CIMIP3: variants seen among roughly 807,000 people sequenced by gnomAD.
The protein encoded by CIMIP3 is GUCA1A neighbor.
At chr6:42,163,353 G>A in the CIMIP3 span, 7 of 426,974 alleles carry the variant, frequency 1.6e-5, no homozygotes, top group African/African-American at 1.2e-4. Context: ...CTATATTCGG[G>A]CTAAGACAGC....
chr6:42,162,391 G>C, the CIMIP3 span, among the ~76,000 whole-genome samples: 1 of 146,928 alleles, frequency 6.8e-6, no homozygotes, highest in African/African-American at 2.5e-5. Flanking sequence ...CTCCAGCCTG[G>C]GCAACAAGAG....
chr6:42,162,631 G>T, the CIMIP3 span, among the ~76,000 whole-genome samples: 1 of 151,710 alleles, frequency 6.6e-6, no homozygotes, highest in Non-Finnish European at 1.5e-5. Context: ...TGCAGGGAAG[G>T]GGGGTGGGGA....
At chr6:42,157,609 T>C in the CIMIP3 span, among the ~76,000 whole-genome samples, 1 of 151,850 alleles carries the variant, frequency 6.6e-6, no homozygotes, top group African/African-American at 2.4e-5. Flanking sequence ...AGGTTGATCT[T>C]GAACTCTTGG....
the CIMIP3 span, among the ~76,000 whole-genome samples, chr6:42,161,632 C>A: frequency 6.6e-6 from 1 of 151,922 alleles, no homozygotes; most frequent in Non-Finnish European, 1.5e-5. Flanking sequence ...TTGAGTAGAC[C>A]CCAATAAGTA....
At chr6:42,158,063 T>C in the CIMIP3 span, among the ~76,000 whole-genome samples, 1 of 152,062 alleles carries the variant, frequency 6.6e-6, no homozygotes, top group Non-Finnish European at 1.5e-5. Flanking sequence ...CCAAATGTCC[T>C]CTGGAGGAAG....
the CIMIP3 span, among the ~76,000 whole-genome samples, chr6:42,161,154 C>T: frequency 4.2e-4 from 64 of 152,168 alleles, no homozygotes; most frequent in African/African-American, 1.5e-3. Flanking sequence ...CATCCTTGCA[C>T]TTCAGCCTGG....
the CIMIP3 span, among the ~76,000 whole-genome samples, chr6:42,161,410 C>T: frequency 0.024 from 3,642 of 152,118 alleles, 128 homozygotes; most frequent in African/African-American, 0.079. Context: ...CTGACACACA[C>T]GCAGGATGGA....
At chr6:42,157,530 G>A in the CIMIP3 span, among the ~76,000 whole-genome samples, 4 of 151,842 alleles carry the variant, frequency 2.6e-5, no homozygotes, top group Admixed American at 6.6e-5. Context: ...GATTACAGGC[G>A]TGAGCCATGG....
the CIMIP3 span, chr6:42,163,267 GC>G: frequency 3.6e-6 from 2 of 549,638 alleles, no homozygotes; most frequent in East Asian, 6.2e-5. Context: ...CCAAACGGAA[GC>G]CCCCGACCCT....
At chr6:42,163,121 T>C in the CIMIP3 span, 2 of 705,536 alleles carry the variant, frequency 2.8e-6, no homozygotes, top group South Asian at 1.5e-5. Flanking sequence ...CTCCCAGTAC[T>C]CCAACTCCCT....
chr6:42,155,544 G>A, the CIMIP3 span: 1 of 717,432 alleles, frequency 1.4e-6, no homozygotes, highest in East Asian at 2.7e-5. Flanking sequence ...AGCCTGATGG[G>A]CAGGAAAGAG....
chr6:42,163,338 G>A, the CIMIP3 span: 8 of 447,836 alleles, frequency 1.8e-5, no homozygotes, highest in African/African-American at 1.0e-4. Flanking sequence ...TGCAGGAGGA[G>A]TGACCTATAT....
At chr6:42,161,914 G>T in the CIMIP3 span, among the ~76,000 whole-genome samples, 5 of 151,940 alleles carry the variant, frequency 3.3e-5, no homozygotes, top group Non-Finnish European at 7.4e-5. Flanking sequence ...AACTCTAATG[G>T]GAAAGACAGA....
the CIMIP3 span, among the ~76,000 whole-genome samples, chr6:42,158,080 C>T: frequency 2.0e-5 from 3 of 151,492 alleles, no homozygotes; most frequent in Admixed American, 1.3e-4. Context: ...GAAGAATCAC[C>T]CCTGGCTGAG....
chr6:42,160,264 C>T, the CIMIP3 span, among the ~76,000 whole-genome samples: 1 of 152,302 alleles, frequency 6.6e-6, no homozygotes, highest in South Asian at 2.1e-4. Context: ...GTTGGGATTA[C>T]AGGTGTGATC....
the CIMIP3 span, chr6:42,155,547 G>A: frequency 1.4e-6 from 1 of 717,476 alleles, no homozygotes; most frequent in Admixed American, 2.0e-5. Flanking sequence ...CTGATGGGCA[G>A]GAAAGAGCAT....
At chr6:42,157,364 TCAGCCTCCCAAGTAGCTGGGATTA>T in the CIMIP3 span, among the ~76,000 whole-genome samples, 1 of 152,132 alleles carries the variant, frequency 6.6e-6, no homozygotes, top group Non-Finnish European at 1.5e-5. Context: ...TTCTCCTGCC[TCAGCCTCCCAAGTAGCTGGGATTA>T]CAGGCGTGCA....
chr6:42,161,650 A>G, the CIMIP3 span, among the ~76,000 whole-genome samples: 2 of 152,142 alleles, frequency 1.3e-5, no homozygotes, highest in African/African-American at 4.8e-5. Context: ...GTAATCAACC[A>G]AGAGTGGTGG....
chr6:42,162,568 G>A, the CIMIP3 span, among the ~76,000 whole-genome samples: 4,145 of 151,390 alleles, frequency 0.027, 194 homozygotes, highest in African/African-American at 0.094. Flanking sequence ...GCAGGGAAGA[G>A]GGAGGGGAGG....
Sources: gnomAD v4.1 joint callset for allele counts (sites outside exome capture counted in the v4.1 genomes callset) on GRCh38, gnomAD v4.1.1 for gene constraint, MANE v1.5 for transcripts, NCBI Gene and HGNC (gene_info 2026-07-23, HGNC 2026-07-21) for gene names.